The following STAU2 variants were observed in gnomAD, a reference collection of about 807,000 sequenced individuals.
The protein encoded by STAU2 is staufen double-stranded RNA binding protein 2.
In STAU2, 20 loss-of-function variants were observed where a neutral mutation model predicts 65.9. The ratio of observed to expected loss-of-function variants is 0.30; its 90% CI spans 0.21 to 0.44. The LOEUF (loss-of-function observed/expected upper bound fraction) is 0.44, where lower values mean the gene tolerates loss of function less well. Among genes scored for constraint, STAU2 ranks in the 20% least tolerant of loss-of-function variants. The pLI, the probability that STAU2 is intolerant of heterozygous loss-of-function variation, is 1.00. For synonymous variants in STAU2, 232 were observed against 233.9 expected (o/e 0.99, Z 0.07); for missense variants, 558 against 683.9 (o/e 0.82, Z 2.05).
At chr8:73,611,467 GATA>G (rs1387401063) in intron 9 of STAU2, among the ~76,000 whole-genome samples, 3 of 152,112 alleles carry the variant, frequency 2.0e-5, no homozygotes. Flanking sequence ...GAAGTTCTGG[GATA>G]ATATTACTTA....
chr8:73,430,499 C>T (rs538492707), intron 13 of STAU2, among the ~76,000 whole-genome samples: 11 of 152,244 alleles, frequency 7.2e-5, no homozygotes, highest in African/African-American at 1.9e-4. Flanking sequence ...GATTAAAGAA[C>T]GCTATGGAAA....
chr8:73,548,498 T>A (rs1195883001), intron 13 of STAU2, among the ~76,000 whole-genome samples: 1 of 152,172 alleles, frequency 6.6e-6, no homozygotes, highest in Non-Finnish European at 1.5e-5. Flanking sequence ...ATCATCATAT[T>A]AAACTCCACA....
chr8:73,577,288 C>T (rs1809636300), intron 12 of STAU2, among the ~76,000 whole-genome samples: 2 of 151,734 alleles, frequency 1.3e-5, no homozygotes, highest in Admixed American at 6.6e-5. Context: ...ATTAGCCGGG[C>T]GTGGTGGCAG....
chr8:73,431,346 T>C (rs571296062), intron 13 of STAU2, among the ~76,000 whole-genome samples: 6 of 133,128 alleles, frequency 4.5e-5, no homozygotes, highest in South Asian at 2.9e-4. Flanking sequence ...TGACAATTAA[T>C]ATGTTCCAGG....
intron 13 of STAU2, among the ~76,000 whole-genome samples, chr8:73,487,863 T>C (rs1382131386): frequency 1.3e-5 from 2 of 152,040 alleles, no homozygotes; most frequent in African/African-American, 2.4e-5. Flanking sequence ...CAAACTATAA[T>C]AAAAAAATTA....
intron 5 of STAU2, among the ~76,000 whole-genome samples, chr8:73,686,860 G>A (rs1248840476): frequency 6.7e-6 from 1 of 150,148 alleles, no homozygotes; most frequent in East Asian, 1.9e-4. Flanking sequence ...TTTACATGCA[G>A]GTGGTTTGCG....
chr8:73,738,389 G>A, intron 2 of STAU2, 40 bp from the exon 3 acceptor site: 1 of 1,460,598 alleles, frequency 6.8e-7, no homozygotes, highest in South Asian at 1.2e-5. Flanking sequence ...CAACTTAGCT[G>A]ATAACCTCAA....
chr8:73,474,181 G>A (rs372602628), intron 13 of STAU2, among the ~76,000 whole-genome samples: 4 of 152,268 alleles, frequency 2.6e-5, no homozygotes, highest in Middle Eastern at 3.4e-3. Context: ...CACAAAACCT[G>A]GGAAGCTTGA....
intron 12 of STAU2, among the ~76,000 whole-genome samples, chr8:73,570,033 T>C (rs1169344252): frequency 6.6e-6 from 1 of 152,176 alleles, no homozygotes; most frequent in Non-Finnish European, 1.5e-5. Flanking sequence ...TAAAGGAGGA[T>C]GTTCAAACCC....
chr8:73,675,642 C>T lies in STAU2; in HGVS notation c.275-2400G>A, dbSNP rs182459250. ...ATCATGAGGAAACACCAGACAAACT[C>T]AATTGAGGGGCATTCTAAAAACTCT... On this transcript the variant is annotated intron_variant, in intron 5 of 14. Coordinates refer to ENST00000524300, the MANE Select transcript of STAU2 (RefSeq NM_001164380.2). The T allele has an allele frequency of 4.6e-5, 7 of 152,216 alleles. No homozygotes were observed. The East Asian group carries it at 1.2e-3, about 25-fold the overall frequency. The allele number at this position is 152,216 out of a possible 1,614,324, so 9.4% of individuals were successfully genotyped here. A position where few individuals can be genotyped will look rare whatever the true frequency, so the allele number is the denominator to read the frequency against.
intron 3 of STAU2, among the ~76,000 whole-genome samples, chr8:73,725,486 G>C (rs1805559721): frequency 6.6e-6 from 1 of 151,982 alleles, no homozygotes; most frequent in African/African-American, 2.4e-5. Flanking sequence ...TTTTGTTTTA[G>C]TCAATTATCT....
chr8:73,588,671 C>T (rs1810551492), intron 11 of STAU2, among the ~76,000 whole-genome samples: 1 of 152,130 alleles, frequency 6.6e-6, no homozygotes, highest in Non-Finnish European at 1.5e-5. Context: ...AGCTTCATTG[C>T]TTCTGAAGAG....
At chr8:73,430,196 G>A (rs781070510) in intron 13 of STAU2, among the ~76,000 whole-genome samples, 1 of 152,164 alleles carries the variant, frequency 6.6e-6, no homozygotes, top group Middle Eastern at 3.2e-3. Context: ...AAGCCCCAGG[G>A]TTTTGCTGGG....
chr8:73,480,059 T>TAC (rs796250813), intron 13 of STAU2, among the ~76,000 whole-genome samples: 8 of 152,194 alleles, frequency 5.3e-5, no homozygotes, highest in African/African-American at 1.7e-4. Context: ...ATGTCTTACT[T>TAC]AAAAGTCTTC....
At position 73,585,044 on chromosome 8, in the gene STAU2, C is replaced by T. The variant is rs186769926; in HGVS notation, c.1162-2214G>A. ...GGTTCTTAGAGAAATAATTACGTTTCCAGAATCCTGGAGCAGTTCTACAAT... is the reference window on the plus strand; with the variant it reads ...GGTTCTTAGAGAAATAATTACGTTTTCAGAATCCTGGAGCAGTTCTACAAT... On this transcript the variant is annotated intron_variant, in intron 11 of 14. Transcript: ENST00000524300. 8.5e-5 allele frequency among the ~76,000 whole-genome samples: 13 copies of T among 152,302 alleles called. No homozygotes were observed. In the East Asian group the frequency reaches 2.5e-3, roughly 29 times the overall value.
intron 6 of STAU2, among the ~76,000 whole-genome samples, chr8:73,646,975 G>A (rs974316446): frequency 1.0e-3 from 93 of 90,104 alleles, no homozygotes; most frequent in Middle Eastern, 7.9e-3. Flanking sequence ...ACACACACAC[G>A]AAAAGATGTT....
chr8:73,696,286 T>C (rs1242156243), intron 4 of STAU2, among the ~76,000 whole-genome samples: 2 of 152,140 alleles, frequency 1.3e-5, no homozygotes, highest in Non-Finnish European at 2.9e-5. Context: ...ACTCAGACTC[T>C]GAAGACTACA....
intron 13 of STAU2, among the ~76,000 whole-genome samples, chr8:73,544,706 C>T (rs1806782851): frequency 6.6e-6 from 1 of 152,220 alleles, no homozygotes; most frequent in Admixed American, 6.5e-5. Context: ...ACATCACTAA[C>T]CACACTTCGA....
intron 12 of STAU2, among the ~76,000 whole-genome samples, chr8:73,577,363 C>G (rs1809645690): frequency 1.3e-5 from 2 of 150,950 alleles, no homozygotes; most frequent in East Asian, 1.9e-4. Context: ...GGAGGCGAAG[C>G]TTGCAGTGAG....
Sources: allele counts gnomAD v4.1 joint callset (sites outside exome capture counted in the v4.1 genomes callset), GRCh38; gene constraint gnomAD v4.1.1; transcripts MANE v1.5; gene names NCBI Gene and HGNC (gene_info 2026-07-23, HGNC 2026-07-21).